HCN1: variants seen among roughly 807,000 people sequenced by gnomAD.
The protein encoded by HCN1 is hyperpolarization activated cyclic nucleotide gated potassium channel 1.
Under a neutral mutation model 78.9 loss-of-function variants are expected in HCN1, and 13 were observed. The ratio of observed to expected loss-of-function variants is 0.16; its 90% CI spans 0.11 to 0.26. HCN1 has a LOEUF of 0.26. Ranked by LOEUF, HCN1 falls within the 10% of genes least tolerant of loss-of-function variation. HCN1 has a pLI of 1.00. For synonymous variants in HCN1, 552 were observed against 455.5 expected, an observed-to-expected ratio of 1.21 and a Z score of -2.70; for missense variants, 810 against 1,154.3, an observed-to-expected ratio of 0.70 and a Z score of 4.32.
intron 2 of HCN1, among the ~76,000 whole-genome samples, chr5:45,547,737 C>A (rs1039105069): frequency 8.6e-5 from 13 of 151,750 alleles, no homozygotes; most frequent in Non-Finnish European, 1.8e-4. Context: ...AGATATGTGT[C>A]ATCTGTGAAT....
In HCN1 at chr5:45,257,759, T is replaced by C. The variant is rs1287682186; in HGVS notation, c.*4162A>G. ...ACAATAGCAAATCTTTCAAAGAAAATTTCTATCCTATTTTTCCTTGAAAAT... is the reference window on the plus strand; with the variant it reads ...ACAATAGCAAATCTTTCAAAGAAAACTTCTATCCTATTTTTCCTTGAAAAT... On this transcript the variant is annotated 3_prime_UTR_variant, in exon 8 of 8. Coordinates refer to ENST00000303230, the MANE Select transcript of HCN1 (RefSeq NM_021072.4). 1 of 152,154 alleles carries C rather than the reference T, an allele frequency of 6.6e-6. No individual in the cohort carries two copies. Among genetic ancestry groups the C allele is most frequent in the African/African-American group, 2.4e-5 (1 of 41,416 alleles). The allele number at this position is 152,154 out of a possible 1,614,324, so 9.4% of individuals were successfully genotyped here.
In HCN1 at chr5:45,610,053, C is replaced by A. The variant is rs577625258; in HGVS notation, c.849+35132G>T. Among the ~76,000 whole-genome samples the A allele has an allele frequency of 3.3e-5, 5 of 152,230 alleles. No individual in the cohort carries two copies. The South Asian group carries it at 1.0e-3, about 32-fold the overall frequency. ...TTGCATCCCGCAGAAGATAGTAACTCATGAACACAGTTTAAATAAGGAACT... is the reference window on the plus strand; with the variant it reads ...TTGCATCCCGCAGAAGATAGTAACTAATGAACACAGTTTAAATAAGGAACT... On this transcript the variant is annotated intron_variant, in intron 2 of 7. Coordinates refer to ENST00000303230, the MANE Select transcript of HCN1 (RefSeq NM_021072.4).
chr5:45,343,393 C>G (rs538218102), intron 5 of HCN1, among the ~76,000 whole-genome samples: 8 of 152,204 alleles, frequency 5.3e-5, no homozygotes, highest in African/African-American at 1.9e-4. Context: ...GGAAGGCAAA[C>G]TAAGGGAACA....
chr5:45,666,922 G>T (rs1393281535), intron 1 of HCN1, among the ~76,000 whole-genome samples: 1 of 151,906 alleles, frequency 6.6e-6, no homozygotes, highest in East Asian at 1.9e-4. Flanking sequence ...AAAAATCAGG[G>T]GGGTGGGAAT....
chr5:45,303,577 T>A, intron 6 of HCN1, 22 bp downstream of exon 6: 1 of 1,612,206 alleles, frequency 6.2e-7, no homozygotes, highest in Non-Finnish European at 8.5e-7. Context: ...GATTTCATCT[T>A]AGTTGCATCT....
intron 2 of HCN1, among the ~76,000 whole-genome samples, chr5:45,507,376 G>T (rs546550911): frequency 1.3e-5 from 2 of 152,160 alleles, no homozygotes; most frequent in East Asian, 3.9e-4. Context: ...CCTCCATCTG[G>T]CCTTAGTCTG....
At chr5:45,502,751 A>T (rs1339989257) in intron 2 of HCN1, among the ~76,000 whole-genome samples, 1 of 152,174 alleles carries the variant, frequency 6.6e-6, no homozygotes. Flanking sequence ...AATGTTAGCT[A>T]TTAATAATGA....
At chr5:45,361,553 C>A (rs1490168782) in intron 4 of HCN1, among the ~76,000 whole-genome samples, 5 of 152,194 alleles carry the variant, frequency 3.3e-5, no homozygotes, top group Admixed American at 6.5e-5. Context: ...TTCAGGTGAT[C>A]CACCTGCCTT....
chr5:45,377,265 TA>T (rs1747701734), intron 4 of HCN1, among the ~76,000 whole-genome samples: 1 of 152,008 alleles, frequency 6.6e-6, no homozygotes, highest in African/African-American at 2.4e-5. Context: ...AATGCAGATG[TA>T]AAAAATAACT....
intron 3 of HCN1, among the ~76,000 whole-genome samples, chr5:45,441,080 A>G (rs1438623738): frequency 6.6e-6 from 1 of 152,066 alleles, no homozygotes; most frequent in Non-Finnish European, 1.5e-5. Flanking sequence ...ATTAAATGTC[A>G]TCTTTTTGGG....
At chr5:45,513,030 T>C (rs896758406) in intron 2 of HCN1, among the ~76,000 whole-genome samples, 1 of 152,114 alleles carries the variant, frequency 6.6e-6, no homozygotes, top group Non-Finnish European at 1.5e-5. Context: ...TGGTGAAATA[T>C]GGAGACATAA....
chr5:45,648,316 C>T (rs563880973), intron 1 of HCN1, among the ~76,000 whole-genome samples: 2 of 152,142 alleles, frequency 1.3e-5, no homozygotes, highest in African/African-American at 4.8e-5. Flanking sequence ...AAAGAAAGCA[C>T]CATTCATTCT....
intron 2 of HCN1, among the ~76,000 whole-genome samples, chr5:45,494,097 G>C (rs976153527): frequency 2.0e-5 from 3 of 152,002 alleles, no homozygotes; most frequent in African/African-American, 7.3e-5. Flanking sequence ...ATGATTTATA[G>C]TCCTTTGGGT....
chr5:45,607,579 T>TTATATA (rs146363579), intron 2 of HCN1, among the ~76,000 whole-genome samples: 1,428 of 127,898 alleles, frequency 0.011, 9 homozygotes, highest in Admixed American at 0.027. Context: ...CACAATATCA[T>TTATATA]TATATATATA....
intron 2 of HCN1, among the ~76,000 whole-genome samples, chr5:45,483,126 G>A (rs904277195): frequency 3.9e-5 from 6 of 152,192 alleles, no homozygotes; most frequent in Admixed American, 3.9e-4. Flanking sequence ...TATATACCCA[G>A]CGGTGGGATA....
intron 5 of HCN1, among the ~76,000 whole-genome samples, chr5:45,321,700 T>A (rs1746129779): frequency 6.6e-6 from 1 of 151,564 alleles, no homozygotes; most frequent in Non-Finnish European, 1.5e-5. Context: ...TTTACACACA[T>A]ACGTATTTTT....
chr5:45,678,287 T>C (rs1739633799), intron 1 of HCN1, among the ~76,000 whole-genome samples: 1 of 151,958 alleles, frequency 6.6e-6, no homozygotes, highest in Non-Finnish European at 1.5e-5. Context: ...AGGAATTTCT[T>C]GGGCATCTGC....
intron 6 of HCN1, among the ~76,000 whole-genome samples, chr5:45,297,683 T>G (rs1050644200): frequency 6.6e-6 from 1 of 152,084 alleles, no homozygotes; most frequent in African/African-American, 2.4e-5. Flanking sequence ...TAGAATAATA[T>G]ATCTCATAAA....
intron 5 of HCN1, among the ~76,000 whole-genome samples, chr5:45,350,827 A>G (rs1746882264): frequency 6.6e-6 from 1 of 152,178 alleles, no homozygotes; most frequent in Non-Finnish European, 1.5e-5. Context: ...AGGGACGTGA[A>G]GGACCTCTTC....
Sources: gnomAD v4.1 joint callset for allele counts (sites outside exome capture counted in the v4.1 genomes callset) on GRCh38, gnomAD v4.1.1 for gene constraint, MANE v1.5 for transcripts, NCBI Gene and HGNC (gene_info 2026-07-23, HGNC 2026-07-21) for gene names.